The following YWHAE variants were observed in gnomAD, a reference collection of about 807,000 sequenced individuals.
YWHAE encodes the protein tyrosine 3-monooxygenase/tryptophan 5-monooxygenase activation protein epsilon.
In YWHAE, 4 loss-of-function variants were observed where a neutral mutation model predicts 30.1. The ratio of observed to expected loss-of-function variants is 0.13; its 90% CI spans 0.07 to 0.30. The LOEUF (loss-of-function observed/expected upper bound fraction) is 0.30. Ranked by LOEUF, YWHAE falls within the 10% of genes least tolerant of loss-of-function variation. The probability of loss-of-function intolerance (pLI) is 1.00; values close to 1 mark genes in which losing one functional copy is unlikely to be tolerated. For synonymous variants in YWHAE, 118 were observed against 111.8 expected, an observed-to-expected ratio of 1.06 and a Z score of -0.35; for missense variants, 121 against 315.9, an observed-to-expected ratio of 0.38 and a Z score of 4.68.
intron 2 of YWHAE, among the ~76,000 whole-genome samples, chr17:1,362,763 TTCTC>T (rs377295784): frequency 2.0e-4 from 30 of 151,922 alleles, no homozygotes; most frequent in African/African-American, 6.0e-4. Flanking sequence ...CTGCAGAAAA[TTCTC>T]TCTTTTTCTT....
chr17:1,352,501 TTA>T (rs955154454), intron 5 of YWHAE, among the ~76,000 whole-genome samples: 6 of 152,132 alleles, frequency 3.9e-5, no homozygotes, highest in Non-Finnish European at 7.4e-5. Context: ...GACATATGTT[TTA>T]TGTTTCAGCC....
At chr17:1,359,959 G>A (rs868208069) in intron 4 of YWHAE, among the ~76,000 whole-genome samples, 15 of 109,082 alleles carry the variant, frequency 1.4e-4, no homozygotes, top group African/African-American at 4.2e-4. Flanking sequence ...GGAGAGAGGG[G>A]GAGAGAGAGA....
At chr17:1,371,089 T>C (rs1327359684) in intron 1 of YWHAE, among the ~76,000 whole-genome samples, 1 of 151,832 alleles carries the variant, frequency 6.6e-6, no homozygotes, top group Non-Finnish European at 1.5e-5. Flanking sequence ...TGTGTGGTAG[T>C]GTGTGTGTGT....
chr17:1,370,321 C>A (rs143363857), intron 1 of YWHAE, among the ~76,000 whole-genome samples: 4 of 151,424 alleles, frequency 2.6e-5, no homozygotes, highest in Non-Finnish European at 4.4e-5. Context: ...TTAGTAGAGG[C>A]GGGGTTTCAC....
chr17:1,377,753 T>C (rs193060420), intron 1 of YWHAE, among the ~76,000 whole-genome samples: 1 of 152,322 alleles, frequency 6.6e-6, no homozygotes, highest in Non-Finnish European at 1.5e-5. Flanking sequence ...TGTCTTACTA[T>C]GTAAAGACTT....
intron 1 of YWHAE, among the ~76,000 whole-genome samples, chr17:1,378,337 C>T (rs929983863): frequency 6.6e-6 from 1 of 152,120 alleles, no homozygotes. Context: ...TGGACAACCT[C>T]CAAGGAATGA....
chr17:1,352,477 G>A (rs1236423026), intron 5 of YWHAE, among the ~76,000 whole-genome samples: 1 of 151,488 alleles, frequency 6.6e-6, no homozygotes, highest in African/African-American at 2.4e-5. Context: ...ACTACAGATA[G>A]CCTCAAGCAA....
At chr17:1,363,166 A>C (rs184000564) in intron 2 of YWHAE, among the ~76,000 whole-genome samples, 55 of 152,244 alleles carry the variant, frequency 3.6e-4, no homozygotes, top group Admixed American at 2.6e-3. Context: ...TCTGAATTGC[A>C]ACACTCCACT....
At chr17:1,359,112 G>A (rs1368774739) in intron 4 of YWHAE, among the ~76,000 whole-genome samples, 2 of 151,738 alleles carry the variant, frequency 1.3e-5, no homozygotes, top group African/African-American at 4.8e-5. Context: ...CTCCAGCCTG[G>A]GTGACAGTGC....
At chr17:1,379,652 G>C (rs554337481) in intron 1 of YWHAE, among the ~76,000 whole-genome samples, 2 of 152,226 alleles carry the variant, frequency 1.3e-5, no homozygotes, top group Admixed American at 1.3e-4. Context: ...AAAACAAAAT[G>C]CAAGAATAGT....
intron 1 of YWHAE, among the ~76,000 whole-genome samples, chr17:1,373,095 T>C (rs1567972229): frequency 6.6e-6 from 1 of 151,446 alleles, no homozygotes; most frequent in Non-Finnish European, 1.5e-5. Flanking sequence ...ACAAAAAAAT[T>C]AGCCAGGCAT....
chr17:1,361,875 C>A, intron 3 of YWHAE, 27 bp downstream of exon 3: 2 of 1,485,048 alleles, frequency 1.3e-6, no homozygotes, highest in East Asian at 2.3e-5. Context: ...TTCAATCTTA[C>A]ATTTTCCCTT....
intron 1 of YWHAE, chr17:1,399,045 G>A (rs2073519814): frequency 6.6e-6 from 1 of 152,120 alleles, no homozygotes; most frequent in Non-Finnish European, 1.5e-5. Flanking sequence ...TACAGTTACT[G>A]AACACTATTG....
intron 4 of YWHAE, among the ~76,000 whole-genome samples, chr17:1,357,352 G>A (rs71357191): frequency 0.044 from 6,401 of 146,568 alleles, 136 homozygotes; most frequent in East Asian, 0.051. Context: ...GCAGTGAGCC[G>A]AGATCGCGCT....
At chr17:1,382,607 G>A (rs374764714) in intron 1 of YWHAE, among the ~76,000 whole-genome samples, 3 of 151,564 alleles carry the variant, frequency 2.0e-5, no homozygotes, top group African/African-American at 7.3e-5. Context: ...TGATCCACCC[G>A]CCTCGGCCTC....
At chr17:1,384,712 C>T (rs1030519215) in intron 1 of YWHAE, among the ~76,000 whole-genome samples, 2 of 151,786 alleles carry the variant, frequency 1.3e-5, no homozygotes, top group African/African-American at 4.8e-5. Context: ...AAGGAGTGAG[C>T]CACTGCGCCC....
In YWHAE at chr17:1,364,906, T is replaced by G; in HGVS notation, c.217A>C (p.Lys73Gln). ...ATTTTTAGCTTGTCTTCTCCTCCCT[T>G]GTTTTCTTCTTTCTGTTCAATGCTG... Reference protein sequence around the residue: ...ISSIEQKEENKGGEDKLKMIR... With the variant: ...ISSIEQKEENQGGEDKLKMIR... Residue 73 changes from lysine (K) to glutamine (Q), a missense_variant, in exon 2 of 6, where the codon AAG (lysine) becomes CAG (glutamine). Physicochemically the swap from Lys to Gln is moderately conservative, Grantham distance 53 (BLOSUM62 1). Coordinates refer to ENST00000264335, the MANE Select transcript of YWHAE (RefSeq NM_006761.5). 6.2e-7 allele frequency: 1 copy of G among 1,614,118 alleles called. No individual in the cohort carries two copies. Among genetic ancestry groups the G allele is most frequent in the Non-Finnish European group, 8.5e-7 (1 of 1,179,996 alleles).
At position 1,361,940 on chromosome 17, in the gene YWHAE, T is replaced by C; in HGVS notation, c.333A>G (p.Ala111=). ...LDVLDKHLIP[A]ANTGESKVFY... ...AAACCTTGGACTCGCCAGTGTTAGC[T>C]GCTGGAATGAGGTGTTTGTCCAGTA... Residue 111 remains alanine (A), a synonymous_variant, in exon 3 of 6, where the codon GCA becomes GCG. Transcript: ENST00000264335. The C allele has an allele frequency of 6.2e-7, 1 of 1,609,008 alleles. No homozygotes were observed. The highest frequency in any genetic ancestry group is 8.5e-7 in the Non-Finnish European group (1 of 1,178,548).
intron 4 of YWHAE, among the ~76,000 whole-genome samples, chr17:1,358,689 G>C (rs1313312873): frequency 1.3e-5 from 2 of 151,996 alleles, no homozygotes; most frequent in Non-Finnish European, 2.9e-5. Context: ...AATTAGCCAA[G>C]CATGGTGGCA....
Sources: allele counts gnomAD v4.1 joint callset (sites outside exome capture counted in the v4.1 genomes callset), GRCh38; gene constraint gnomAD v4.1.1; transcripts MANE v1.5; gene names NCBI Gene and HGNC (gene_info 2026-07-23, HGNC 2026-07-21).